Variants in DRC8 observed in about 807,000 individuals in gnomAD.
DRC8 encodes dynein regulatory complex protein 8.
the DRC8 span, among the ~76,000 whole-genome samples, chr1:245,019,329 A>G: frequency 5.9e-5 from 9 of 152,262 alleles, no homozygotes; most frequent in East Asian, 1.7e-3. Flanking sequence ...TAATTTGTAT[A>G]TCACTTTAAA....
the DRC8 span, among the ~76,000 whole-genome samples, chr1:245,006,969 A>AC: frequency 7.5e-6 from 1 of 132,668 alleles, no homozygotes; most frequent in African/African-American, 2.5e-5. Context: ...CAACAACAAC[A>AC]AAAAACCCCA....
the DRC8 span, chr1:245,124,812 C>G: frequency 6.6e-6 from 1 of 152,284 alleles, no homozygotes; most frequent in Non-Finnish European, 1.5e-5. Context: ...ATGACTCCAC[C>G]CTGCACACTT....
the DRC8 span, among the ~76,000 whole-genome samples, chr1:245,063,933 G>A: frequency 5.9e-5 from 9 of 152,112 alleles, no homozygotes; most frequent in African/African-American, 2.2e-4. Context: ...ATGTCGGCCA[G>A]GCTGGTCTCG....
the DRC8 span, among the ~76,000 whole-genome samples, chr1:245,048,961 G>T: frequency 1.4e-5 from 2 of 147,802 alleles, no homozygotes; most frequent in Admixed American, 1.4e-4. Context: ...CACCGCTGGG[G>T]TCTTCCTTTC....
At chr1:244,976,221 A>G in the DRC8 span, among the ~76,000 whole-genome samples, 2 of 152,192 alleles carry the variant, frequency 1.3e-5, no homozygotes, top group African/African-American at 2.4e-5. Flanking sequence ...GTGAGCCTAG[A>G]TCGCAGCATT....
chr1:244,999,955 A>G, the DRC8 span, among the ~76,000 whole-genome samples: 1 of 152,222 alleles, frequency 6.6e-6, no homozygotes, highest in African/African-American at 2.4e-5. Context: ...AGTAGCTGGG[A>G]CTACAGGCAT....
chr1:244,991,124 A>G, the DRC8 span, among the ~76,000 whole-genome samples: 1 of 152,198 alleles, frequency 6.6e-6, no homozygotes, highest in South Asian at 2.1e-4. Flanking sequence ...GGGGGTTTCC[A>G]TAACCCCCTT....
the DRC8 span, among the ~76,000 whole-genome samples, chr1:245,009,094 G>A: frequency 2.4e-5 from 3 of 125,214 alleles, no homozygotes; most frequent in Non-Finnish European, 4.7e-5. Context: ...GGAGTGCAGT[G>A]GCACCACCTC....
chr1:245,040,722 G>A, the DRC8 span, among the ~76,000 whole-genome samples: 1 of 152,256 alleles, frequency 6.6e-6, no homozygotes, highest in African/African-American at 2.4e-5. Flanking sequence ...CGGGAGGATC[G>A]ATTGAGCCCA....
the DRC8 span, among the ~76,000 whole-genome samples, chr1:245,069,551 C>T: frequency 6.6e-6 from 1 of 152,102 alleles, no homozygotes; most frequent in East Asian, 1.9e-4. Context: ...TGCACAAATA[C>T]TGCATGTGAG....
the DRC8 span, among the ~76,000 whole-genome samples, chr1:245,021,111 T>C: frequency 1.3e-5 from 2 of 152,198 alleles, no homozygotes; most frequent in Admixed American, 6.5e-5. Flanking sequence ...TTGGAAAATA[T>C]AGTTTAAAAA....
chr1:245,092,870 C>G, the DRC8 span, among the ~76,000 whole-genome samples: 1 of 152,070 alleles, frequency 6.6e-6, no homozygotes, highest in Non-Finnish European at 1.5e-5. Context: ...GCCTGGGTGA[C>G]AGAGAGAGAC....
chr1:245,055,426 C>T, the DRC8 span, among the ~76,000 whole-genome samples: 1 of 152,152 alleles, frequency 6.6e-6, no homozygotes, highest in Admixed American at 6.5e-5. Flanking sequence ...CTCAACCGAT[C>T]CTGCCATCTC....
At chr1:244,994,924 A>G in the DRC8 span, among the ~76,000 whole-genome samples, 1 of 152,210 alleles carries the variant, frequency 6.6e-6, no homozygotes, top group Non-Finnish European at 1.5e-5. Flanking sequence ...TTGATCTTTA[A>G]GAAGCCACTT....
chr1:244,978,198 A>AGAGAT, the DRC8 span, among the ~76,000 whole-genome samples: 1 of 152,128 alleles, frequency 6.6e-6, no homozygotes. Flanking sequence ...TTATTTTTTA[A>AGAGAT]GAGATGAGAT....
At chr1:245,100,425 TATC>T in the DRC8 span, among the ~76,000 whole-genome samples, 379 of 143,560 alleles carry the variant, frequency 2.6e-3, 1 homozygote, top group African/African-American at 0.011. Context: ...TGTTTAATGT[TATC>T]ATATATCCAG....
chr1:245,000,979 GA>G, the DRC8 span, among the ~76,000 whole-genome samples: 159 of 151,742 alleles, frequency 1.0e-3, no homozygotes, highest in Non-Finnish European at 1.8e-3. Flanking sequence ...GCCAGCAGGG[GA>G]AAAAAAATCA....
the DRC8 span, among the ~76,000 whole-genome samples, chr1:245,044,560 T>A: frequency 6.6e-6 from 1 of 151,604 alleles, no homozygotes; most frequent in African/African-American, 2.4e-5. Flanking sequence ...GATTTATTTA[T>A]TTATTTATTT....
At chr1:244,982,582 C>T in the DRC8 span, among the ~76,000 whole-genome samples, 67 of 151,768 alleles carry the variant, frequency 4.4e-4, no homozygotes, top group Non-Finnish European at 7.9e-4. Flanking sequence ...GAGAATCACT[C>T]GGACCCTGGA....
Sources: gnomAD v4.1 joint callset for allele counts (sites outside exome capture counted in the v4.1 genomes callset) on GRCh38, gnomAD v4.1.1 for gene constraint, MANE v1.5 for transcripts, NCBI Gene and HGNC (gene_info 2026-07-23, HGNC 2026-07-21) for gene names.